SOX5: variants seen among roughly 807,000 people sequenced by gnomAD.
SOX5 encodes SRY-box transcription factor 5.
A neutral mutation model predicts 92.0 loss-of-function variants in SOX5; 9 were observed. The ratio of observed to expected loss-of-function variants is 0.10; its 90% confidence interval spans 0.06 to 0.17. SOX5 has a LOEUF of 0.17. Among genes scored for constraint, SOX5 ranks in the 10% least tolerant of loss-of-function variants. The pLI, the probability that SOX5 is intolerant of heterozygous loss-of-function variation, is 1.00. For missense variants in SOX5, 642 were observed against 944.5 expected (o/e 0.68, Z 4.20); for synonymous variants, 344 against 336.3 (o/e 1.02, Z -0.25).
chr12:24,327,608 G>A (rs1284025508), intron 2 of SOX5, among the ~76,000 whole-genome samples: 2 of 150,928 alleles, frequency 1.3e-5, no homozygotes, highest in Non-Finnish European at 3.0e-5. Context: ...TTTTTAGACA[G>A]AGTCTCGCTC....
chr12:24,161,841 A>T (rs1307055521), intron 4 of SOX5, among the ~76,000 whole-genome samples: 1 of 152,082 alleles, frequency 6.6e-6, no homozygotes. Context: ...ATCCAATAAC[A>T]AAAGCCCCAA....
At chr12:24,040,492 C>CTCTGA (rs1397364490) in intron 4 of SOX5, among the ~76,000 whole-genome samples, 5 of 152,310 alleles carry the variant, frequency 3.3e-5, no homozygotes, top group African/African-American at 9.6e-5. Context: ...CATGAATCTT[C>CTCTGA]TCTGACAATT....
chr12:23,947,644 C>T (rs990420726), intron 1 of SOX5, among the ~76,000 whole-genome samples: 10 of 151,272 alleles, frequency 6.6e-5, no homozygotes, highest in East Asian at 5.8e-4. Context: ...TACTAACAAC[C>T]CTATTGATTA....
At chr12:23,956,748 T>G (rs1249938107) in intron 4 of SOX5, among the ~76,000 whole-genome samples, 2 of 152,006 alleles carry the variant, frequency 1.3e-5, no homozygotes, top group East Asian at 1.9e-4. Context: ...TGCAGTGGTG[T>G]GACCTCGGCT....
At chr12:24,275,586 C>G (rs989812318) in intron 3 of SOX5, among the ~76,000 whole-genome samples, 3 of 152,124 alleles carry the variant, frequency 2.0e-5, no homozygotes, top group Non-Finnish European at 2.9e-5. Flanking sequence ...AGCCACTGCT[C>G]TACTGCTGAA....
chr12:24,445,552 A>G (rs1464430184), intron 1 of SOX5, among the ~76,000 whole-genome samples: 1 of 152,244 alleles, frequency 6.6e-6, no homozygotes, highest in Non-Finnish European at 1.5e-5. Flanking sequence ...TAATTTTATT[A>G]TATCTTAGCT....
At chr12:23,542,637 T>C (rs1942329006) in intron 13 of SOX5, among the ~76,000 whole-genome samples, 1 of 152,212 alleles carries the variant, frequency 6.6e-6, no homozygotes, top group Non-Finnish European at 1.5e-5. Context: ...CCTTTAGTAC[T>C]TAAGGTTACT....
chr12:24,428,239 G>T (rs992195662), intron 1 of SOX5, among the ~76,000 whole-genome samples: 4 of 150,370 alleles, frequency 2.7e-5, no homozygotes, highest in Non-Finnish European at 3.0e-5. Flanking sequence ...TGAGTTTACA[G>T]TAAGAACATA....
rs1362373869 is a variant in SOX5 at position 23,746,180 on chromosome 12, G to C, written c.569-5141C>G. On this transcript the variant is annotated intron_variant, in intron 4 of 14. Coordinates refer to ENST00000451604, the MANE Select transcript of SOX5 (RefSeq NM_006940.6). Reference sequence around the variant, plus strand: ...ACATTCTTCATGATCATCCCCAAGTGCTTAGAGAGAACTTAATAAGTGGTC... The same window carrying C: ...ACATTCTTCATGATCATCCCCAAGTCCTTAGAGAGAACTTAATAAGTGGTC... Among the ~76,000 whole-genome samples the C allele has an allele frequency of 2.0e-5, 3 of 152,116 alleles. No individual in the cohort carries two copies. In the East Asian group the frequency reaches 5.8e-4, roughly 29 times the overall value.
intron 3 of SOX5, among the ~76,000 whole-genome samples, chr12:23,835,360 C>T (rs1357001245): frequency 6.6e-6 from 1 of 151,828 alleles, no homozygotes; most frequent in Non-Finnish European, 1.5e-5. Flanking sequence ...GATTTAACAT[C>T]AACTGCTGTG....
intron 4 of SOX5, among the ~76,000 whole-genome samples, chr12:24,049,292 T>C (rs567559011): frequency 6.6e-6 from 1 of 152,308 alleles, no homozygotes; most frequent in East Asian, 1.9e-4. Flanking sequence ...AAATACGCCT[T>C]GAGACCAAGG....
intron 3 of SOX5, among the ~76,000 whole-genome samples, chr12:24,260,108 G>A (rs1362279009): frequency 6.6e-6 from 1 of 152,222 alleles, no homozygotes; most frequent in African/African-American, 2.4e-5. Context: ...AATGGTATGA[G>A]AGGAGTGGGT....
intron 1 of SOX5, among the ~76,000 whole-genome samples, chr12:23,936,472 T>A (rs10505916): frequency 0.017 from 2,503 of 151,042 alleles, 80 homozygotes; most frequent in African/African-American, 0.056. Context: ...GAGTGTTAAC[T>A]ACTGTAGCTT....
At chr12:24,078,640 T>G (rs566907760) in intron 4 of SOX5, among the ~76,000 whole-genome samples, 71 of 152,174 alleles carry the variant, frequency 4.7e-4, no homozygotes, top group African/African-American at 1.6e-3. Context: ...GCAGGGAGTC[T>G]GCTTGGGAGA....
chr12:24,040,165 G>A (rs549803425), intron 4 of SOX5, among the ~76,000 whole-genome samples: 48 of 152,110 alleles, frequency 3.2e-4, no homozygotes, highest in Admixed American at 5.2e-4. Flanking sequence ...TAAAAAACCA[G>A]CAAATAGGAA....
At chr12:24,166,757 A>G (rs1953460249) in intron 4 of SOX5, among the ~76,000 whole-genome samples, 1 of 152,182 alleles carries the variant, frequency 6.6e-6, no homozygotes, top group African/African-American at 2.4e-5. Context: ...TTTAACGAAC[A>G]CGCATTGTTT....
At chr12:23,780,369 T>A (rs1034257850) in intron 3 of SOX5, among the ~76,000 whole-genome samples, 3 of 152,062 alleles carry the variant, frequency 2.0e-5, no homozygotes, top group Admixed American at 6.5e-5. Flanking sequence ...TTTTATAGAT[T>A]TTTTTCTTCA....
intron 7 of SOX5, among the ~76,000 whole-genome samples, chr12:23,641,193 C>A (rs934651350): frequency 6.6e-6 from 1 of 151,694 alleles, no homozygotes; most frequent in Non-Finnish European, 1.5e-5. Context: ...ATAACACACA[C>A]GCGCGTGCAC....
At chr12:23,852,868 T>C (rs2096647549) in intron 2 of SOX5, among the ~76,000 whole-genome samples, 3 of 152,048 alleles carry the variant, frequency 2.0e-5, no homozygotes, top group Non-Finnish European at 4.4e-5. Context: ...AAATCTGAGT[T>C]AACAAGCCTT....
Sources: gnomAD v4.1 joint callset for allele counts (sites outside exome capture counted in the v4.1 genomes callset) on GRCh38, gnomAD v4.1.1 for gene constraint, MANE v1.5 for transcripts, NCBI Gene and HGNC (gene_info 2026-07-23, HGNC 2026-07-21) for gene names.